MZT2A: variants seen among roughly 807,000 people sequenced by gnomAD.
MZT2A encodes mitotic-spindle organizing protein 2A.
MZT2A carries 8 observed loss-of-function variants against 12.4 expected under a neutral mutation model. The ratio of observed to expected loss-of-function variants is 0.64; its 90% CI spans 0.38 to 1.16. The LOEUF (loss-of-function observed/expected upper bound fraction) is 1.16. Among genes scored for constraint, MZT2A ranks in the 50% most tolerant of loss-of-function variants. The pLI is 0.01. For missense variants in MZT2A, 181 were observed against 223.6 expected (o/e 0.81, Z 1.22); for synonymous variants, 88 against 107.5 (o/e 0.82, Z 1.12).
intron 2 of MZT2A, chr2:131,472,212 A>C: frequency 7.8e-7 from 1 of 1,279,278 alleles, no homozygotes; most frequent in Non-Finnish European, 1.0e-6. Flanking sequence ...AGAGGAAATA[A>C]TTTGTGTTAC....
At chr2:131,486,257 C>CA (rs1352961903) in intron 2 of MZT2A, among the ~76,000 whole-genome samples, 3 of 152,058 alleles carry the variant, frequency 2.0e-5, no homozygotes, top group African/African-American at 7.3e-5. Context: ...TTCTAGTCCC[C>CA]ACTGACTGGT....
chr2:131,487,408 G>T (rs1362645963), intron 2 of MZT2A, among the ~76,000 whole-genome samples: 1 of 152,142 alleles, frequency 6.6e-6, no homozygotes, highest in Admixed American at 6.5e-5. Flanking sequence ...AGCCCACGAG[G>T]TTGAGGCTGC....
upstream of MZT2A, chr2:131,492,552 G>T: frequency 1.8e-6 from 2 of 1,136,084 alleles, no homozygotes; most frequent in Non-Finnish European, 2.2e-6. Flanking sequence ...GTTAGTGGGC[G>T]CTCACGGTGT....
At chr2:131,491,851 C>G in intron 2 of MZT2A, 25 bp downstream of exon 2, 4 of 1,407,396 alleles carry the variant, frequency 2.8e-6, no homozygotes, top group South Asian at 2.8e-5. Flanking sequence ...GCCACTGGGG[C>G]AGGGACAGCG....
chr2:131,472,261 C>T, intron 2 of MZT2A: 5 of 1,167,058 alleles, frequency 4.3e-6, no homozygotes, highest in Non-Finnish European at 5.6e-6. Context: ...TGTTAGCTGA[C>T]TTATTGAAAT....
At chr2:131,483,876 C>T (rs182525142), downstream of MZT2A, 107 of 1,331,948 alleles carry the variant, frequency 8.0e-5, no homozygotes, top group East Asian at 2.7e-3. Context: ...GGTTAGTTCA[C>T]TGTGGCACAA....
upstream of MZT2A, chr2:131,492,495 G>GGAGCGGCAC (rs893499439): frequency 8.4e-6 from 9 of 1,072,964 alleles, no homozygotes; most frequent in African/African-American, 1.4e-4. Flanking sequence ...GGGAGCGGCG[G>GGAGCGGCAC]GAGCGCGGGG....
At chr2:131,482,070 A>T (rs1241028623), downstream of MZT2A, among the ~76,000 whole-genome samples, 1 of 152,210 alleles carries the variant, frequency 6.6e-6, no homozygotes, top group African/African-American at 2.4e-5. Flanking sequence ...AGCAGCATTC[A>T]TATGACCCTT....
chr2:131,487,059 C>G (rs577656235), intron 2 of MZT2A, among the ~76,000 whole-genome samples: 49 of 152,236 alleles, frequency 3.2e-4, no homozygotes, highest in African/African-American at 1.1e-3. Flanking sequence ...ACGGGCTAGA[C>G]AGTGGGATTG....
At chr2:131,473,805 G>C (rs72859876) in intron 2 of MZT2A, among the ~76,000 whole-genome samples, 11,931 of 131,870 alleles carry the variant, frequency 0.09, 1,601 homozygotes, top group African/African-American at 0.26. Flanking sequence ...ATTGGGTCCC[G>C]ACTCTGCTCT....
chr2:131,492,474 G>A, upstream of MZT2A: 1 of 1,155,128 alleles, frequency 8.7e-7, no homozygotes, highest in South Asian at 4.1e-5. Context: ...GGCCTCCCGG[G>A]CTGCCCTGGC....
At chr2:131,477,563 T>C (rs1678715319) in intron 2 of MZT2A, among the ~76,000 whole-genome samples, 1 of 142,562 alleles carries the variant, frequency 7.0e-6, no homozygotes, top group African/African-American at 3.0e-5. Context: ...TGGCACTGCT[T>C]TCTCCAGCCC....
downstream of MZT2A, among the ~76,000 whole-genome samples, chr2:131,481,435 ATTT>A (rs70994779): frequency 0.01 from 1,297 of 129,228 alleles, 18 homozygotes; most frequent in African/African-American, 0.037. Context: ...TGCCCGGGTA[ATTT>A]TTTTTTTTTT....
At chr2:131,482,804 G>T (rs768594659), downstream of MZT2A, 1 of 1,614,128 alleles carries the variant, frequency 6.2e-7, no homozygotes, top group Non-Finnish European at 8.5e-7. Context: ...AGAGGTGGGC[G>T]TGGATTCCGT....
intron 2 of MZT2A, among the ~76,000 whole-genome samples, chr2:131,488,684 C>T (rs1399784949): frequency 1.3e-5 from 2 of 152,196 alleles, no homozygotes; most frequent in Non-Finnish European, 2.9e-5. Flanking sequence ...TCTGTGGCCT[C>T]TGCCTCTCAC....
chr2:131,477,482 A>C (rs1403837950), intron 2 of MZT2A, among the ~76,000 whole-genome samples: 1 of 152,044 alleles, frequency 6.6e-6, no homozygotes, highest in Non-Finnish European at 1.5e-5. Flanking sequence ...AGCCTGCCAA[A>C]AGTGTGGCCT....
At position 131,492,254 on chromosome 2, in the gene MZT2A, G is replaced by C. The variant is rs747524632; in HGVS notation, c.123C>G (p.Tyr41Ter). 19 of 1,585,756 alleles carry C rather than the reference G, an allele frequency of 1.2e-5. No homozygotes were observed. Among genetic ancestry groups the C allele is most frequent in the Non-Finnish European group, 1.3e-5 (15 of 1,172,846 alleles). The change falls in exon 1 of 3, where the codon TAC becomes TAG. Residue 41 changes from tyrosine (Y) to a stop codon, truncating the protein, a stop_gained. Coordinates refer to ENST00000309451, the MANE Select transcript of MZT2A (RefSeq NM_001085365.2). LOFTEE classifies it high-confidence loss of function. The stretch of plus-strand genomic sequence containing the variant: ...CGCCGCCCGCCGCCTGAGCCAGCTC[G>C]TACAGCTCCATCTCCTCGGTGCTCA... ...KVLSTEEMELYELAQAAGGGI... is the reference protein window; with the variant it reads ...KVLSTEEMEL
chr2:131,487,489 T>C (rs1327004239), intron 2 of MZT2A, among the ~76,000 whole-genome samples: 2 of 152,116 alleles, frequency 1.3e-5, no homozygotes, highest in Non-Finnish European at 2.9e-5. Flanking sequence ...AATAAATAAA[T>C]AAATAAAAAG....
chr2:131,491,847 G>A (rs1395308253), intron 2 of MZT2A, 29 bp downstream of exon 2: 29 of 1,385,288 alleles, frequency 2.1e-5, no homozygotes, highest in Middle Eastern at 2.6e-4. Context: ...CCCCGCCACT[G>A]GGGCAGGGAC....
Sources: gnomAD v4.1 joint callset for allele counts (sites outside exome capture counted in the v4.1 genomes callset) on GRCh38, gnomAD v4.1.1 for gene constraint, MANE v1.5 for transcripts, NCBI Gene and HGNC (gene_info 2026-07-23, HGNC 2026-07-21) for gene names.